The following PIK3CD variants were observed in gnomAD, a reference collection of about 807,000 sequenced individuals.
PIK3CD encodes phosphatidylinositol 4,5-bisphosphate 3-kinase catalytic subunit delta isoform.
In PIK3CD, 20 loss-of-function variants were observed where a neutral mutation model predicts 122.9. That is an observed-to-expected ratio of 0.16 (90% CI 0.11 to 0.24). PIK3CD has a LOEUF of 0.24. PIK3CD is among the 10% of genes least tolerant of loss of function. The pLI, the probability that PIK3CD is intolerant of heterozygous loss-of-function variation, is 1.00. For synonymous variants in PIK3CD, 596 were observed against 593.4 expected (o/e 1.00, Z -0.06); for missense variants, 787 against 1,406.3 (o/e 0.56, Z 7.04).
intron 1 of PIK3CD, among the ~76,000 whole-genome samples, chr1:9,673,504 A>G (rs1357072546): frequency 6.6e-6 from 1 of 151,652 alleles, no homozygotes; most frequent in Non-Finnish European, 1.5e-5. Flanking sequence ...CAAGTGATCC[A>G]CCCACCTTGG....
At chr1:9,678,422 C>T (rs1279731971) in intron 1 of PIK3CD, among the ~76,000 whole-genome samples, 1 of 152,082 alleles carries the variant, frequency 6.6e-6, no homozygotes, top group African/African-American at 2.4e-5. Context: ...GCATTGGACT[C>T]CAGTCTGGGT....
At chr1:9,636,206 T>TG in the PIK3CD span, among the ~76,000 whole-genome samples, 11 of 151,838 alleles carry the variant, frequency 7.2e-5, no homozygotes, top group African/African-American at 9.7e-5. Flanking sequence ...TGCATTTTTT[T>TG]GGGGGGGGAC....
intron 1 of PIK3CD, among the ~76,000 whole-genome samples, chr1:9,658,563 T>C (rs960692854): frequency 3.0e-5 from 4 of 132,932 alleles, no homozygotes; most frequent in Non-Finnish European, 4.6e-5. Flanking sequence ...AGAGTCTCCC[T>C]GTGTCACCCA....
chr1:9,728,683 G>GTTAT lies in PIK3CD; in HGVS notation c.*1645_*1648dup, dbSNP rs749444829. The GTTAT allele has an allele frequency of 2.6e-5, 4 of 152,270 alleles. No homozygotes were observed. The highest frequency in any genetic ancestry group is 7.2e-5 in the African/African-American group (3 of 41,472). 9.4% of individuals were successfully genotyped at this position (152,270 alleles called of 1,614,324 possible). ...GAAATGGGGAAAGCCGTGCGTGCGC[G>GTTAT]TTATTTATTTAAGTGCGCCTGTGTG... On this transcript the variant is annotated 3_prime_UTR_variant, in exon 24 of 24. Transcript: ENST00000377346.
chr1:9,638,903 G>A, the PIK3CD span, among the ~76,000 whole-genome samples: 2 of 151,484 alleles, frequency 1.3e-5, no homozygotes, highest in African/African-American at 2.4e-5. Context: ...AGCCTCAGGA[G>A]GAGCTGGGAC....
chr1:9,693,797 A>G (rs1015907195), intron 2 of PIK3CD, among the ~76,000 whole-genome samples: 1 of 152,086 alleles, frequency 6.6e-6, no homozygotes, highest in African/African-American at 2.4e-5. Flanking sequence ...GAGAATGTCC[A>G]ATGTCTTGGG....
chr1:9,727,053 C>T lies in PIK3CD; in HGVS notation c.*7C>T, dbSNP rs777542899. On this transcript the variant is annotated 3_prime_UTR_variant, in exon 24 of 24. Transcript: ENST00000377346. ...CAAAGACAACAGGCAGTAGTGGCTC[C>T]TCCCAGCCCTGGGCCCAAGAGGAGG... 2.5e-6 allele frequency: 4 copies of T among 1,614,048 alleles called. No homozygotes were observed. The South Asian group carries it at 4.4e-5, about 18-fold the overall frequency.
chr1:9,664,670 A>G (rs1645107289), intron 1 of PIK3CD, among the ~76,000 whole-genome samples: 1 of 152,230 alleles, frequency 6.6e-6, no homozygotes, highest in Admixed American at 6.5e-5. Context: ...TCGTTTGGTC[A>G]GGGAGAGTTG....
the PIK3CD span, among the ~76,000 whole-genome samples, chr1:9,637,793 T>C: frequency 3.2e-4 from 49 of 152,230 alleles, no homozygotes; most frequent in Middle Eastern, 3.4e-3. Flanking sequence ...CTCTGAAAAG[T>C]TGTTCTTCTG....
chr1:9,662,862 T>C (rs1237589592), intron 1 of PIK3CD, among the ~76,000 whole-genome samples: 1 of 152,150 alleles, frequency 6.6e-6, no homozygotes. Context: ...CTAATTTTTG[T>C]ATTTTTAGTA....
chr1:9,702,924 A>C (rs934340847), intron 2 of PIK3CD, among the ~76,000 whole-genome samples: 2 of 152,174 alleles, frequency 1.3e-5, no homozygotes, highest in East Asian at 3.8e-4. Flanking sequence ...ACTCAGCTCA[A>C]ACTGCTGTAA....
Position 9,720,789 on chromosome 1 carries a change from G to T in PIK3CD, c.1569G>T (p.Leu523=). The part of the protein sequence containing the change: ...EILERRGSGE[L]YEHEKDLVWK... ...TGGAGCGGCGGGGGTCTGGGGAGCT[G>T]TATGAGCACGAGAAGGACCTGGTGT... Residue 523 remains leucine (L), a synonymous_variant, in exon 13 of 24, where the codon CTG becomes CTT. Coordinates refer to ENST00000377346, the MANE Select transcript of PIK3CD (RefSeq NM_005026.5). This position sits in a 1 kb window ranked among gnomAD's most constrained non-coding sequence, Gnocchi z 9.0. 6.2e-7 allele frequency: 1 copy of T among 1,612,872 alleles called. No homozygotes were observed. The highest frequency in any genetic ancestry group is 8.5e-7 in the Non-Finnish European group (1 of 1,179,734).
At chr1:9,629,816 G>A in the PIK3CD span, among the ~76,000 whole-genome samples, 222 of 152,328 alleles carry the variant, frequency 1.5e-3, 8 homozygotes, top group South Asian at 0.038. Flanking sequence ...GCACTTCCCC[G>A]TAAGGCTGCG....
intron 1 of PIK3CD, among the ~76,000 whole-genome samples, chr1:9,660,383 A>G (rs1270023738): frequency 6.6e-6 from 1 of 152,110 alleles, no homozygotes; most frequent in East Asian, 1.9e-4. Flanking sequence ...TGGTAATCCA[A>G]TTTTTAATTT....
At chr1:9,676,458 T>A (rs1366870293) in intron 1 of PIK3CD, among the ~76,000 whole-genome samples, 1 of 152,250 alleles carries the variant, frequency 6.6e-6, no homozygotes. Context: ...GCAGCTCTGG[T>A]GCCTGGCCCT....
intron 1 of PIK3CD, among the ~76,000 whole-genome samples, chr1:9,664,045 CTTTCTTTT>C (rs1645087394): frequency 7.3e-6 from 1 of 137,762 alleles, no homozygotes; most frequent in African/African-American, 2.8e-5. Context: ...CTTTTTCTTT[CTTTCTTTT>C]TTTTTTTTTT....
intron 1 of PIK3CD, among the ~76,000 whole-genome samples, chr1:9,673,600 G>A (rs915417007): frequency 1.3e-5 from 2 of 151,724 alleles, no homozygotes; most frequent in Admixed American, 1.3e-4. Context: ...ACGAAGTCTG[G>A]CTATGTTGCC....
In PIK3CD at chr1:9,700,675, C is replaced by A. The variant is rs1375104170; in HGVS notation, c.-33+9104C>A. Reference sequence around the variant, plus strand: ...TCTGTAGCCTGCTGACTCCACAGATCTGTCCCCCGCCCTCCCACCTGGGGA... The same window carrying A: ...TCTGTAGCCTGCTGACTCCACAGATATGTCCCCCGCCCTCCCACCTGGGGA... On this transcript the variant is annotated intron_variant, in intron 2 of 23. Transcript: ENST00000377346. This position sits in a 1 kb window ranked among gnomAD's most constrained non-coding sequence, Gnocchi z 5.1. Among the ~76,000 whole-genome samples the A allele has an allele frequency of 6.6e-6, 1 of 152,144 alleles. No individual in the cohort carries two copies. Among genetic ancestry groups the A allele is most frequent in the Admixed American group, 6.5e-5 (1 of 15,278 alleles).
intron 2 of PIK3CD, among the ~76,000 whole-genome samples, chr1:9,698,066 G>A (rs768008801): frequency 3.3e-5 from 5 of 151,990 alleles, no homozygotes; most frequent in African/African-American, 7.3e-5. Context: ...AGAAAACCAC[G>A]TACTTGTATA....
Sources: gnomAD v4.1 joint callset for allele counts (sites outside exome capture counted in the v4.1 genomes callset) on GRCh38, gnomAD v4.1.1 for gene constraint, Gnocchi (gnomAD v3.1) non-coding constraint, MANE v1.5 for transcripts, NCBI Gene and HGNC (gene_info 2026-07-23, HGNC 2026-07-21) for gene names.